Variants in SGCZ observed in about 807,000 individuals in gnomAD.
SGCZ encodes the protein zeta-sarcoglycan.
Under a neutral mutation model 41.3 loss-of-function variants are expected in SGCZ, and 40 were observed. The observed-to-expected ratio is 0.97, with a 90% CI of 0.75 to 1.26. The LOEUF (loss-of-function observed/expected upper bound fraction) is 1.26, where lower values mean the gene tolerates loss of function less well. SGCZ is among the 50% of genes most tolerant of loss of function. The pLI is 0.00. For synonymous variants in SGCZ, 206 were observed against 137.5 expected (o/e 1.50, Z -3.49); for missense variants, 552 against 369.8 (o/e 1.49, Z -4.04).
At chr8:14,829,781 A>C (rs1236330210) in intron 1 of SGCZ, among the ~76,000 whole-genome samples, 1 of 152,050 alleles carries the variant, frequency 6.6e-6, no homozygotes. Context: ...AAAACTTGTA[A>C]AGATTAAAAG....
At position 15,099,932 on chromosome 8, in the gene SGCZ, T is replaced by A. The variant is rs1489801584; in HGVS notation, c.39+137653A>T. Among the ~76,000 whole-genome samples the A allele has an allele frequency of 4.3e-5, 6 of 139,764 alleles. No homozygotes were observed. In the East Asian group the frequency reaches 1.3e-3, roughly 30 times the overall value. The allele number at this position is 139,764 out of a possible 152,430, so 91.7% of individuals were successfully genotyped here. ...TCATGATAAAAACTCTCAGCAAAAT[T>A]AGGAATAAAAGGGAACTTCCCTGAC... On this transcript the variant is annotated intron_variant, in intron 1 of 7. Transcript: ENST00000382080.
intron 1 of SGCZ, among the ~76,000 whole-genome samples, chr8:14,677,620 A>G (rs986776912): frequency 1.3e-5 from 2 of 152,072 alleles, no homozygotes; most frequent in Non-Finnish European, 2.9e-5. Context: ...AAAATACAAA[A>G]ATAAGCCAGG....
At chr8:15,107,687 C>A (rs544831145) in intron 1 of SGCZ, among the ~76,000 whole-genome samples, 7 of 152,090 alleles carry the variant, frequency 4.6e-5, no homozygotes, top group Non-Finnish European at 8.8e-5. Context: ...AGTTACCCAG[C>A]CTCAGGTATT....
intron 7 of SGCZ, among the ~76,000 whole-genome samples, chr8:14,099,525 G>C (rs1342009621): frequency 2.0e-5 from 3 of 152,130 alleles, no homozygotes; most frequent in Non-Finnish European, 4.4e-5. Context: ...AGGAGTTCCA[G>C]ACAAGCCTGA....
Position 14,944,716 on chromosome 8 carries a change from T to C in SGCZ, c.39+292869A>G, listed in dbSNP as rs187289927. Among the ~76,000 whole-genome samples, 810 of 152,236 alleles carry C rather than the reference T, an allele frequency of 5.3e-3. 10 individuals are homozygous for C. Among genetic ancestry groups the C allele is most frequent in the African/African-American group, 0.019 (775 of 41,548 alleles). On this transcript the variant is annotated intron_variant, in intron 1 of 7. Transcript: ENST00000382080. ...ACAGGGTTACATCCTGATAAACCCA[T>C]TGTAGGCTGAGGATTTTGCAATCTG...
In SGCZ at chr8:14,369,353, G is replaced by A. The variant is rs1335672848; in HGVS notation, c.235-45149C>T. Among the ~76,000 whole-genome samples the A allele has an allele frequency of 6.6e-5, 10 of 151,646 alleles. No homozygotes were observed. The Admixed American group carries it at 6.6e-4, about 10-fold the overall frequency. ...GAGAGTAAATATTAGCTATTTTGTA[G>A]AACAGTCCTCAATTTGAGCTTCTCT... is the stretch of plus-strand genomic sequence containing the variant. On this transcript the variant is annotated intron_variant, in intron 2 of 7. Coordinates refer to ENST00000382080, the MANE Select transcript of SGCZ (RefSeq NM_139167.4).
intron 4 of SGCZ, among the ~76,000 whole-genome samples, chr8:14,210,312 G>A (rs1805762030): frequency 6.6e-6 from 1 of 152,074 alleles, no homozygotes; most frequent in Non-Finnish European, 1.5e-5. Context: ...ACCTGCCTCG[G>A]CCTCCCAAAG....
At chr8:14,990,488 G>A (rs1195534965) in intron 1 of SGCZ, among the ~76,000 whole-genome samples, 2 of 151,954 alleles carry the variant, frequency 1.3e-5, no homozygotes, top group African/African-American at 2.4e-5. Flanking sequence ...CATTAGATTC[G>A]TATTGGAGCG....
At chr8:15,067,439 C>G (rs763446232) in intron 1 of SGCZ, among the ~76,000 whole-genome samples, 2 of 152,100 alleles carry the variant, frequency 1.3e-5, no homozygotes, top group Admixed American at 6.5e-5. Flanking sequence ...TACTGATAAA[C>G]CTACCATAGA....
At chr8:14,414,345 T>C (rs1799439841) in intron 2 of SGCZ, among the ~76,000 whole-genome samples, 1 of 151,960 alleles carries the variant, frequency 6.6e-6, no homozygotes, top group East Asian at 1.9e-4. Context: ...GTCCTCATGC[T>C]CTTGAATTAG....
intron 1 of SGCZ, among the ~76,000 whole-genome samples, chr8:15,132,490 G>A (rs894150365): frequency 6.6e-6 from 1 of 152,162 alleles, no homozygotes; most frequent in Non-Finnish European, 1.5e-5. Flanking sequence ...ATGAAAACCA[G>A]TGGAAGGTTT....
intron 3 of SGCZ, among the ~76,000 whole-genome samples, chr8:14,302,097 A>C (rs1457763002): frequency 6.6e-6 from 1 of 152,216 alleles, no homozygotes; most frequent in Non-Finnish European, 1.5e-5. Context: ...TTAAAGGTGC[A>C]TGCATCACTG....
At chr8:14,799,276 T>A (rs886359915) in intron 1 of SGCZ, among the ~76,000 whole-genome samples, 1 of 152,192 alleles carries the variant, frequency 6.6e-6, no homozygotes, top group East Asian at 1.9e-4. Context: ...ACTGCTAAAC[T>A]TTTTATTTTT....
At chr8:14,896,866 C>T (rs919591543) in intron 1 of SGCZ, among the ~76,000 whole-genome samples, 5 of 151,928 alleles carry the variant, frequency 3.3e-5, no homozygotes, top group Admixed American at 6.6e-5. Context: ...CTGCAACCTC[C>T]GCCTCCTGGG....
At chr8:14,599,009 T>A (rs1805502685) in intron 1 of SGCZ, among the ~76,000 whole-genome samples, 1 of 152,148 alleles carries the variant, frequency 6.6e-6, no homozygotes, top group African/African-American at 2.4e-5. Context: ...ATGTTTAAAA[T>A]ACCCGGACAT....
At chr8:14,179,730 A>C (rs963863090) in intron 4 of SGCZ, among the ~76,000 whole-genome samples, 1 of 152,170 alleles carries the variant, frequency 6.6e-6, no homozygotes, top group Non-Finnish European at 1.5e-5. Flanking sequence ...ACATACTCTA[A>C]GCTGTCACTG....
intron 4 of SGCZ, among the ~76,000 whole-genome samples, chr8:14,221,078 G>C (rs1000208940): frequency 2.0e-5 from 3 of 152,048 alleles, no homozygotes; most frequent in African/African-American, 7.2e-5. Flanking sequence ...GAGGCTAGGA[G>C]CCTTGACGGA....
At chr8:14,531,538 G>C (rs1363603000) in intron 2 of SGCZ, among the ~76,000 whole-genome samples, 1 of 151,980 alleles carries the variant, frequency 6.6e-6, no homozygotes, top group Non-Finnish European at 1.5e-5. Context: ...AAAGACGCGA[G>C]ATTTCCCAGT....
At chr8:15,035,300 C>T (rs1190961960) in intron 1 of SGCZ, among the ~76,000 whole-genome samples, 1 of 152,016 alleles carries the variant, frequency 6.6e-6, no homozygotes, top group Admixed American at 6.5e-5. Context: ...CTATAAAATG[C>T]TTTATATAAG....
Sources: allele counts gnomAD v4.1 joint callset (sites outside exome capture counted in the v4.1 genomes callset), GRCh38; gene constraint gnomAD v4.1.1; transcripts MANE v1.5; gene names NCBI Gene and HGNC (gene_info 2026-07-23, HGNC 2026-07-21).